The following TGS1 variants were observed in gnomAD, a reference collection of about 807,000 sequenced individuals.
The protein encoded by TGS1 is trimethylguanosine synthase.
A neutral mutation model predicts 92.2 loss-of-function variants in TGS1; 69 were observed. That is an observed-to-expected ratio of 0.75 (90% CI 0.62 to 0.91). TGS1 has a LOEUF of 0.91. Among genes scored for constraint, TGS1 ranks in the 40% least tolerant of loss-of-function variants. The pLI, the probability that TGS1 is intolerant of heterozygous loss-of-function variation, is 0.00. For missense variants in TGS1, 1,062 were observed against 1,001.2 expected (o/e 1.06, Z -0.82); for synonymous variants, 345 against 338.1 (o/e 1.02, Z -0.22).
chr8:55,788,278 TAAC>T (rs10617870), intron 4 of TGS1, among the ~76,000 whole-genome samples: 23,659 of 152,090 alleles, frequency 0.16, 2,168 homozygotes, highest in African/African-American at 0.26. Context: ...ACCTTTTACT[TAAC>T]AATCAGATTT....
At chr8:55,785,490 G>T (rs7000300) in intron 2 of TGS1, among the ~76,000 whole-genome samples, 10 of 151,972 alleles carry the variant, frequency 6.6e-5, no homozygotes, top group African/African-American at 2.4e-4. Flanking sequence ...GACTGAGCCC[G>T]GGAGTTCAGA....
chr8:55,794,361 A>T (rs1811979174), intron 6 of TGS1, among the ~76,000 whole-genome samples: 1 of 152,202 alleles, frequency 6.6e-6, no homozygotes. Flanking sequence ...CAGTCCATTT[A>T]TTCCTTCTTA....
rs964445685 is a variant in TGS1, at chr8:55,790,067, C to G, written c.1163-115C>G. On this transcript the variant is annotated intron_variant, in intron 4 of 12. Transcript: ENST00000260129. ...GTAGATGTGAGCTGGCACTTTGATG[C>G]ACATGTACAGTTCATTGTAGAAAAG... 3.2e-5 allele frequency: 23 copies of G among 727,076 alleles called. No homozygotes were observed. In the Admixed American group the frequency reaches 4.7e-4, roughly 15 times the overall value. The allele number at this position is 727,076 out of a possible 1,614,324, so 45.0% of individuals were successfully genotyped here. A position where few individuals can be genotyped will look rare whatever the true frequency, so the allele number is the denominator to read the frequency against.
At chr8:55,806,871 C>G (rs13254746) in intron 10 of TGS1, among the ~76,000 whole-genome samples, 70,870 of 151,880 alleles carry the variant, frequency 0.47, 16,832 homozygotes, top group East Asian at 0.59. Context: ...CTTTGGCACT[C>G]ACTATCTTTA....
At chr8:55,777,413 T>A (rs1353053430) in intron 1 of TGS1, among the ~76,000 whole-genome samples, 2 of 152,040 alleles carry the variant, frequency 1.3e-5, no homozygotes, top group Admixed American at 1.3e-4. Context: ...AATCCCCCCA[T>A]GCTGGATGTC....
At chr8:55,811,369 C>T (rs955747682) in intron 11 of TGS1, among the ~76,000 whole-genome samples, 11 of 151,460 alleles carry the variant, frequency 7.3e-5, no homozygotes, top group African/African-American at 2.4e-4. Context: ...GGCCGAAGCA[C>T]GAGAATCACT....
chr8:55,799,708 G>A (rs1329282404), intron 8 of TGS1, among the ~76,000 whole-genome samples: 1 of 152,086 alleles, frequency 6.6e-6, no homozygotes, highest in African/African-American at 2.4e-5. Flanking sequence ...TTGAGTAGCT[G>A]GGACTACATG....
Position 55,792,773 on chromosome 8 carries a change from C to T in TGS1, c.1356C>T (p.Gly452=). The T allele has an allele frequency of 6.2e-7, 1 of 1,612,316 alleles. No individual in the cohort carries two copies. The highest frequency in any genetic ancestry group is 8.5e-7 in the Non-Finnish European group (1 of 1,178,428). ...DSGSLLGFKY[G]SGQKYGGIPN... is the part of the protein sequence containing the mutation. ...GTTCCCTTCTAGGATTCAAGTATGG[C>T]TCAGGACAAAAGTAATTATTCATAA... The change falls in exon 6 of 13, where the codon GGC becomes GGT. Residue 452 remains glycine, a synonymous_variant. Coordinates refer to ENST00000260129, the MANE Select transcript of TGS1 (RefSeq NM_024831.8).
chr8:55,815,683 C>T (rs1803455036), intron 12 of TGS1, among the ~76,000 whole-genome samples: 1 of 152,060 alleles, frequency 6.6e-6, no homozygotes, highest in South Asian at 2.1e-4. Flanking sequence ...CAACTTATCT[C>T]AAATATTTCC....
At position 55,802,519 on chromosome 8, in the gene TGS1, A is replaced by G. The variant is rs1585778348; in HGVS notation, c.1912A>G (p.Ile638Val). ...AAAGGTGAATGGTCTGCCTCCTGAA[A>G]TAGCTGCTGTTCCTGAGCTGGCAAA... Reference protein sequence around the residue: ...NKKVNGLPPEIAAVPELAKYW... With the variant: ...NKKVNGLPPEVAAVPELAKYW... The change falls in exon 9 of 13, where the codon ATA becomes GTA. Residue 638 changes from isoleucine (I) to valine (V), a missense_variant. Ile to Val is a conservative substitution (Grantham distance 29, BLOSUM62 3). Coordinates refer to ENST00000260129, the MANE Select transcript of TGS1 (RefSeq NM_024831.8). The G allele has an allele frequency of 6.2e-7, 1 of 1,614,138 alleles. No individual in the cohort carries two copies. Among genetic ancestry groups the G allele is most frequent in the South Asian group, 1.1e-5 (1 of 91,090 alleles).
intron 11 of TGS1, 148 bp downstream of exon 11, chr8:55,811,245 C>G: frequency 1.5e-6 from 1 of 669,480 alleles, no homozygotes; most frequent in Non-Finnish European, 2.5e-6. Flanking sequence ...GGTGGATCAC[C>G]TGAGGTCAGG....
In TGS1 at chr8:55,786,259, AAAG is replaced by A; in HGVS notation, c.362_364del (p.Lys121_Val122delinsIle). On this transcript the variant is annotated inframe_deletion, in exon 4 of 13. Transcript: ENST00000260129. Reference sequence around the variant, plus strand: ...ATAGGTATCTATGAATACTAGAAATAAAGTTAAAATAAAAAAGAAAAAACATCA... The same window carrying A: ...ATAGGTATCTATGAATACTAGAAATATTAAAATAAAAAAGAAAAAACATCA... The A allele has an allele frequency of 7.0e-7, 1 of 1,438,766 alleles. No individual in the cohort carries two copies. The highest frequency in any genetic ancestry group is 2.5e-5 in the East Asian group (1 of 40,692). The allele number at this position is 1,438,766 out of a possible 1,614,324, so 89.1% of individuals were successfully genotyped here.
chr8:55,812,297 G>A (rs1486805737), intron 11 of TGS1, among the ~76,000 whole-genome samples: 2 of 151,934 alleles, frequency 1.3e-5, no homozygotes, highest in Non-Finnish European at 2.9e-5. Context: ...GGAGGCCAAG[G>A]CGGGCAAATC....
intron 12 of TGS1, among the ~76,000 whole-genome samples, chr8:55,816,392 A>T (rs1207111934): frequency 6.6e-6 from 1 of 152,206 alleles, no homozygotes; most frequent in African/African-American, 2.4e-5. Flanking sequence ...AATCTCTGAC[A>T]TAAGGAGTCT....
intron 12 of TGS1, among the ~76,000 whole-genome samples, chr8:55,819,288 A>ATTTTTTTTT (rs201975270): frequency 1.3e-5 from 1 of 74,974 alleles, no homozygotes; most frequent in Non-Finnish European, 2.4e-5. Context: ...TGCCTGGGAG[A>ATTTTTTTTT]TTTTTTTTTT....
intron 2 of TGS1, among the ~76,000 whole-genome samples, chr8:55,783,741 G>A (rs1354944050): frequency 6.6e-6 from 1 of 152,162 alleles, no homozygotes; most frequent in African/African-American, 2.4e-5. Context: ...CAGTGTCATA[G>A]TTACCTTCGG....
intron 1 of TGS1, among the ~76,000 whole-genome samples, chr8:55,781,378 T>G (rs1222861710): frequency 6.6e-6 from 1 of 152,122 alleles, no homozygotes; most frequent in East Asian, 1.9e-4. Flanking sequence ...AACCAAAAAT[T>G]TTTTATTTAA....
At chr8:55,774,941 C>T (rs1811343824) in intron 1 of TGS1, among the ~76,000 whole-genome samples, 1 of 152,124 alleles carries the variant, frequency 6.6e-6, no homozygotes, top group African/African-American at 2.4e-5. Context: ...AAAAGAAAGC[C>T]TGGGAAACTG....
Position 55,785,058 on chromosome 8 carries a change from G to GT in TGS1, c.167-655dup, listed in dbSNP as rs1262385274. 2.6e-3 allele frequency among the ~76,000 whole-genome samples: 370 copies of GT among 143,554 alleles called. 4 individuals carry two copies. Among genetic ancestry groups the GT allele is most frequent in the South Asian group, 4.0e-3 (18 of 4,472 alleles). The allele number at this position is 143,554 out of a possible 152,430, so 94.2% of individuals were successfully genotyped here. A position where few individuals can be genotyped will look rare whatever the true frequency, so the allele number is the denominator to read the frequency against. ...ATATTACTGTCAATTGGTGTTTTTT[G>GT]TTTTTTGTTTTTTGTTTTTTTTTTG... On this transcript the variant is annotated intron_variant, in intron 2 of 12. Coordinates refer to ENST00000260129, the MANE Select transcript of TGS1 (RefSeq NM_024831.8).
Sources: allele counts gnomAD v4.1 joint callset (sites outside exome capture counted in the v4.1 genomes callset), GRCh38; gene constraint gnomAD v4.1.1; transcripts MANE v1.5; gene names NCBI Gene and HGNC (gene_info 2026-07-23, HGNC 2026-07-21).